The following AOAH variants were observed in gnomAD, a reference collection of about 807,000 sequenced individuals.
AOAH encodes acyloxyacyl hydrolase (neutrophil).
In AOAH, 64 loss-of-function variants were observed where a neutral mutation model predicts 92.2. The observed-to-expected ratio is 0.69, with a 90% CI of 0.57 to 0.86. The LOEUF (loss-of-function observed/expected upper bound fraction) is 0.86, where lower values mean the gene tolerates loss of function less well. AOAH is among the 40% of genes least tolerant of loss of function. The pLI, the probability that AOAH is intolerant of heterozygous loss-of-function variation, is 0.00. For synonymous variants in AOAH, 263 were observed against 254.5 expected, an observed-to-expected ratio of 1.03 and a Z score of -0.32; for missense variants, 656 against 694.6, an observed-to-expected ratio of 0.94 and a Z score of 0.62.
chr7:36,654,738 G>A (rs1280659825), intron 4 of AOAH, among the ~76,000 whole-genome samples: 1 of 152,188 alleles, frequency 6.6e-6, no homozygotes, highest in Non-Finnish European at 1.5e-5. Flanking sequence ...TGCTTATGAG[G>A]AATTAGCTGG....
chr7:36,520,535 G>A (rs906309261), intron 20 of AOAH, among the ~76,000 whole-genome samples: 6 of 152,016 alleles, frequency 3.9e-5, no homozygotes, highest in Non-Finnish European at 7.4e-5. Context: ...GAGAAGCCCC[G>A]TCTCTACTAA....
intron 20 of AOAH, among the ~76,000 whole-genome samples, chr7:36,520,990 T>G (rs1784078910): frequency 6.6e-6 from 1 of 152,112 alleles, no homozygotes; most frequent in African/African-American, 2.4e-5. Flanking sequence ...TGTTGGGGAG[T>G]GAGCATCCTT....
intron 19 of AOAH, among the ~76,000 whole-genome samples, chr7:36,522,896 C>T (rs2115847066): frequency 6.6e-6 from 1 of 152,292 alleles, no homozygotes; most frequent in African/African-American, 2.4e-5. Flanking sequence ...GTTCTTTACT[C>T]TTCATTCCCC....
chr7:36,721,962 G>A (rs1799656138), intron 1 of AOAH, among the ~76,000 whole-genome samples: 1 of 152,118 alleles, frequency 6.6e-6, no homozygotes, highest in Non-Finnish European at 1.5e-5. Flanking sequence ...AGGTAAGAAA[G>A]CCTACTACCC....
chr7:36,522,603 G>A (rs1478413342), intron 19 of AOAH, among the ~76,000 whole-genome samples: 1 of 152,168 alleles, frequency 6.6e-6, no homozygotes, highest in Non-Finnish European at 1.5e-5. Flanking sequence ...ACATTTGGAG[G>A]GAGTATGGCT....
intron 20 of AOAH, among the ~76,000 whole-genome samples, chr7:36,517,228 C>CTTTCTTTCTT (rs200489121): frequency 1.8e-5 from 1 of 54,776 alleles, no homozygotes; most frequent in Non-Finnish European, 4.0e-5. Flanking sequence ...TTCTTTCTGT[C>CTTTCTTTCTT]TCTCTCTCTC....
chr7:36,621,270 C>G (rs1272410838), intron 8 of AOAH, among the ~76,000 whole-genome samples: 1 of 152,228 alleles, frequency 6.6e-6, no homozygotes, highest in East Asian at 1.9e-4. Context: ...TGAACCTCAG[C>G]CCAGGGCTAA....
intron 1 of AOAH, among the ~76,000 whole-genome samples, chr7:36,716,628 G>GCTGCATGC (rs1584188168): frequency 1.3e-5 from 1 of 74,302 alleles, no homozygotes; most frequent in Admixed American, 1.3e-4. Context: ...ACACACCATG[G>GCTGCATGC]AATACTATGC....
chr7:36,548,713 T>C (rs1041334691), intron 14 of AOAH, 27 bp from the exon 15 acceptor site: 17 of 1,596,574 alleles, frequency 1.1e-5, no homozygotes, highest in Non-Finnish European at 1.5e-5. Context: ...GGAATCTGAA[T>C]GTCAGATACT....
At chr7:36,643,116 T>A (rs1794011114) in intron 4 of AOAH, among the ~76,000 whole-genome samples, 1 of 152,188 alleles carries the variant, frequency 6.6e-6, no homozygotes, top group African/African-American at 2.4e-5. Context: ...AATTGCAACA[T>A]CAGCCTACAG....
intron 13 of AOAH, among the ~76,000 whole-genome samples, chr7:36,561,407 T>A (rs962082278): frequency 6.6e-6 from 1 of 152,176 alleles, no homozygotes; most frequent in African/African-American, 2.4e-5. Flanking sequence ...CCAATTGATT[T>A]GAGGCCTATT....
At chr7:36,677,087 A>T (rs1034561871) in intron 2 of AOAH, among the ~76,000 whole-genome samples, 1 of 152,114 alleles carries the variant, frequency 6.6e-6, no homozygotes, top group Non-Finnish European at 1.5e-5. Flanking sequence ...GAGAAACTTG[A>T]CTTCATTAAA....
intron 2 of AOAH, among the ~76,000 whole-genome samples, chr7:36,675,097 A>C (rs1368747158): frequency 6.6e-6 from 1 of 152,154 alleles, no homozygotes; most frequent in Non-Finnish European, 1.5e-5. Flanking sequence ...TCTCCTAAAA[A>C]CACAAAAAAT....
chr7:36,673,850 T>A, intron 3 of AOAH, 93 bp downstream of exon 3: 2 of 834,532 alleles, frequency 2.4e-6, no homozygotes, highest in Non-Finnish European at 1.9e-6. Flanking sequence ...AGAAAGCGCA[T>A]CATGCTGAAC....
At chr7:36,562,412 A>G (rs1787339138) in intron 13 of AOAH, among the ~76,000 whole-genome samples, 1 of 152,176 alleles carries the variant, frequency 6.6e-6, no homozygotes. Flanking sequence ...TACCCTTAAG[A>G]AGTCTATATT....
intron 4 of AOAH, among the ~76,000 whole-genome samples, chr7:36,653,557 C>T (rs2116470845): frequency 6.6e-6 from 1 of 152,292 alleles, no homozygotes; most frequent in Middle Eastern, 3.4e-3. Flanking sequence ...CACTCAGCAT[C>T]AGAGAGCTTT....
intron 11 of AOAH, among the ~76,000 whole-genome samples, chr7:36,605,859 G>A (rs182778739): frequency 2.8e-4 from 42 of 152,278 alleles, no homozygotes; most frequent in African/African-American, 8.7e-4. Context: ...TGTCTCTTGT[G>A]GCCTCACTGC....
At chr7:36,593,232 G>A (rs1424621401) in intron 12 of AOAH, among the ~76,000 whole-genome samples, 1 of 152,178 alleles carries the variant, frequency 6.6e-6, no homozygotes, top group East Asian at 1.9e-4. Context: ...ACCTTTAAAT[G>A]GACACCTGTA....
At chr7:36,636,962 A>G (rs1793565121) in intron 5 of AOAH, among the ~76,000 whole-genome samples, 1 of 152,342 alleles carries the variant, frequency 6.6e-6, no homozygotes, top group Admixed American at 6.5e-5. Flanking sequence ...GAAGCCAAGG[A>G]CGAGGTCTTT....
Sources: allele counts gnomAD v4.1 joint callset (sites outside exome capture counted in the v4.1 genomes callset), GRCh38; gene constraint gnomAD v4.1.1; transcripts MANE v1.5; gene names NCBI Gene and HGNC (gene_info 2026-07-23, HGNC 2026-07-21).